BLM: variants seen among roughly 807,000 people sequenced by gnomAD.
The protein encoded by BLM is recQ-like DNA helicase BLM.
In BLM, 95 loss-of-function variants were observed where a neutral mutation model predicts 135.3. The observed-to-expected ratio is 0.70, with a 90% confidence interval of 0.59 to 0.83. The LOEUF (loss-of-function observed/expected upper bound fraction) is 0.83. BLM is among the 40% of genes least tolerant of loss of function. The pLI, the probability that BLM is intolerant of heterozygous loss-of-function variation, is 0.00. For synonymous variants in BLM, 520 were observed against 589.2 expected (o/e 0.88, Z 1.70); for missense variants, 1,518 against 1,663.9 (o/e 0.91, Z 1.53).
chr15:90,742,783 G>A (rs1055680529), intron 1 of BLM, among the ~76,000 whole-genome samples: 14 of 151,458 alleles, frequency 9.2e-5, no homozygotes, highest in Non-Finnish European at 1.6e-4. Context: ...CTACAGGCAT[G>A]TGCCACCTCA....
chr15:90,734,852 G>T (rs1279298926), intron 1 of BLM, among the ~76,000 whole-genome samples: 1 of 152,060 alleles, frequency 6.6e-6, no homozygotes, highest in Non-Finnish European at 1.5e-5. Flanking sequence ...TGTACTGGGG[G>T]CTTAGCCAAT....
intron 8 of BLM, among the ~76,000 whole-genome samples, chr15:90,764,851 GCAGGTGGATTACCTGAGGT>G (rs1304541277): frequency 2.0e-5 from 3 of 152,148 alleles, no homozygotes; most frequent in Non-Finnish European, 4.4e-5. Flanking sequence ...GGAGGCTGAG[GCAGGTGGATTACCTGAGGT>G]CAGGAGTTCA....
chr15:90,734,675 G>GCACGCA (rs1895157726), intron 1 of BLM, among the ~76,000 whole-genome samples: 3 of 134,186 alleles, frequency 2.2e-5, no homozygotes, highest in African/African-American at 8.1e-5. Flanking sequence ...GCGCACGCAC[G>GCACGCA]CACACACACA....
chr15:90,721,962 C>T (rs1045506761), intron 1 of BLM, among the ~76,000 whole-genome samples: 3 of 151,508 alleles, frequency 2.0e-5, no homozygotes, highest in Non-Finnish European at 2.9e-5. Flanking sequence ...TTATGACAAC[C>T]AAGATACATT....
intron 2 of BLM, among the ~76,000 whole-genome samples, chr15:90,748,764 CT>C (rs961578747): frequency 2.0e-3 from 292 of 142,704 alleles, no homozygotes; most frequent in Non-Finnish European, 2.1e-3. Context: ...TTTCTTTTTT[CT>C]TTTTTTTTTT....
chr15:90,766,832 T>A, intron 9 of BLM, 78 bp from the exon 10 acceptor site: 1 of 931,038 alleles, frequency 1.1e-6, no homozygotes. Context: ...TAATAAAATA[T>A]TTATAAAACC....
At chr15:90,734,074 C>T (rs951335503) in intron 1 of BLM, among the ~76,000 whole-genome samples, 2 of 151,916 alleles carry the variant, frequency 1.3e-5, no homozygotes, top group African/African-American at 4.8e-5. Flanking sequence ...AGAACAGAAT[C>T]CAGCACTCTA....
intron 19 of BLM, among the ~76,000 whole-genome samples, chr15:90,804,933 T>A (rs1326620503): frequency 6.6e-6 from 1 of 152,046 alleles, no homozygotes; most frequent in Non-Finnish European, 1.5e-5. Context: ...GCCTCCCAGG[T>A]TCAAGCGATT....
chr15:90,804,460 G>T (rs878901071), intron 19 of BLM, 101 bp downstream of exon 19: 3 of 1,334,326 alleles, frequency 2.2e-6, no homozygotes, highest in Non-Finnish European at 3.2e-6. Context: ...TCAGTGGTTT[G>T]TTTCTTTTTG....
chr15:90,754,546 T>C (rs1437418068), intron 4 of BLM, among the ~76,000 whole-genome samples: 2 of 152,278 alleles, frequency 1.3e-5, no homozygotes, highest in African/African-American at 2.4e-5. Flanking sequence ...GCAGGGCTTA[T>C]ATGAAGAATG....
At chr15:90,766,201 A>G (rs1205758867) in intron 9 of BLM, among the ~76,000 whole-genome samples, 1 of 152,198 alleles carries the variant, frequency 6.6e-6, no homozygotes, top group East Asian at 1.9e-4. Flanking sequence ...AGAATGTCTT[A>G]GTGCAGTGGT....
chr15:90,784,030 G>A (rs545212312), intron 13 of BLM, among the ~76,000 whole-genome samples: 7 of 151,706 alleles, frequency 4.6e-5, no homozygotes, highest in African/African-American at 1.4e-4. Context: ...TACTATATAC[G>A]TTTCTACCGT....
intron 5 of BLM, among the ~76,000 whole-genome samples, chr15:90,758,575 G>A (rs781039276): frequency 2.0e-5 from 3 of 152,160 alleles, no homozygotes; most frequent in Non-Finnish European, 4.4e-5. Context: ...GGGCTGGCAG[G>A]ATTCAGTTGT....
At chr15:90,797,991 CTG>C (rs1174136232) in intron 16 of BLM, among the ~76,000 whole-genome samples, 197 bp from the exon 17 acceptor site, 12 of 152,200 alleles carry the variant, frequency 7.9e-5, no homozygotes, top group African/African-American at 2.9e-4. Context: ...AGACGTATCT[CTG>C]TGAAACAGTA....
intron 12 of BLM, among the ~76,000 whole-genome samples, chr15:90,776,053 T>C (rs975685072): frequency 2.6e-5 from 4 of 152,230 alleles, no homozygotes; most frequent in African/African-American, 9.6e-5. Context: ...CTTATTTTTA[T>C]GGATGTAAGC....
intron 14 of BLM, among the ~76,000 whole-genome samples, chr15:90,789,170 C>T (rs1033930378): frequency 1.3e-5 from 2 of 151,984 alleles, no homozygotes; most frequent in African/African-American, 4.8e-5. Context: ...TAGCCTACAC[C>T]AGCTCGACAG....
At chr15:90,746,469 T>C (rs1410200937) in intron 1 of BLM, among the ~76,000 whole-genome samples, 1 of 152,212 alleles carries the variant, frequency 6.6e-6, no homozygotes, top group East Asian at 1.9e-4. Flanking sequence ...GATTTCTCAA[T>C]TGGATGTAAC....
At chr15:90,772,874 G>A (rs945990340) in intron 12 of BLM, among the ~76,000 whole-genome samples, 14 of 152,074 alleles carry the variant, frequency 9.2e-5, no homozygotes, top group Non-Finnish European at 1.6e-4. Flanking sequence ...AAGGTGGGCG[G>A]ATCACCTGAG....
intron 10 of BLM, 152 bp downstream of exon 10, chr15:90,767,175 G>A: frequency 3.5e-6 from 2 of 568,776 alleles, no homozygotes; most frequent in Non-Finnish European, 6.2e-6. Flanking sequence ...TACTATAATT[G>A]CTTTGTATTC....
Sources: allele counts gnomAD v4.1 joint callset (sites outside exome capture counted in the v4.1 genomes callset), GRCh38; gene constraint gnomAD v4.1.1; transcripts MANE v1.5; gene names NCBI Gene and HGNC (gene_info 2026-07-23, HGNC 2026-07-21).